LIPI: variants seen among roughly 807,000 people sequenced by gnomAD.
LIPI encodes the protein lipase member I.
In LIPI, 59 loss-of-function variants were observed where a neutral mutation model predicts 50.6. The ratio of observed to expected loss-of-function variants is 1.16; its 90% confidence interval spans 0.94 to 1.45. The LOEUF is 1.45. LIPI is among the 40% of genes most tolerant of loss of function. LIPI has a pLI of 0.00. For missense variants in LIPI, 586 were observed against 536.3 expected, an observed-to-expected ratio of 1.09 and a Z score of -0.92; for synonymous variants, 203 against 178.2, an observed-to-expected ratio of 1.14 and a Z score of -1.11.
intron 1 of LIPI, among the ~76,000 whole-genome samples, chr21:14,201,801 A>C (rs1179584745): frequency 6.6e-6 from 1 of 152,038 alleles, no homozygotes; most frequent in Non-Finnish European, 1.5e-5. Flanking sequence ...TCTCTCACCA[A>C]TCCTATTCAA....
chr21:14,189,653 A>G (rs750460663), intron 1 of LIPI, among the ~76,000 whole-genome samples: 1 of 152,210 alleles, frequency 6.6e-6, no homozygotes, highest in Non-Finnish European at 1.5e-5. Context: ...AATTAAGAAG[A>G]GATTTTTATC....
intron 1 of LIPI, 89 bp from the exon 2 acceptor site, chr21:14,189,508 G>A: frequency 8.4e-7 from 1 of 1,196,286 alleles, no homozygotes; most frequent in Non-Finnish European, 1.2e-6. Context: ...AATGTGGAGG[G>A]TAGGGAGGAT....
At chr21:14,185,918 T>C in intron 3 of LIPI, 43 bp downstream of exon 3, 1 of 1,153,404 alleles carries the variant, frequency 8.7e-7, no homozygotes, top group Non-Finnish European at 1.3e-6. Context: ...CTTCTGATAC[T>C]TAAAAGTATG....
intron 9 of LIPI, among the ~76,000 whole-genome samples, chr21:14,129,442 CAGTT>C (rs1214076519): frequency 3.3e-5 from 5 of 151,886 alleles, no homozygotes; most frequent in Non-Finnish European, 7.4e-5. Context: ...TGTCCCACAA[CAGTT>C]AGTGAAAATA....
intron 1 of LIPI, among the ~76,000 whole-genome samples, chr21:14,204,253 A>G (rs1323544945): frequency 6.6e-6 from 1 of 151,684 alleles, no homozygotes; most frequent in Non-Finnish European, 1.5e-5. Flanking sequence ...AGCCGGTTTA[A>G]ACTAGGTTCC....
intron 1 of LIPI, among the ~76,000 whole-genome samples, chr21:14,203,958 C>T (rs1303701215): frequency 1.3e-5 from 2 of 151,924 alleles, no homozygotes; most frequent in East Asian, 3.9e-4. Context: ...GAGCTAAAGG[C>T]CATTATCCTT....
At chr21:14,188,614 T>C (rs2019540228) in intron 2 of LIPI, among the ~76,000 whole-genome samples, 1 of 150,298 alleles carries the variant, frequency 6.7e-6, no homozygotes, top group African/African-American at 2.4e-5. Flanking sequence ...TTTTACCAAT[T>C]CACACTCGAT....
At chr21:14,148,161 A>G (rs2123076372) in intron 8 of LIPI, among the ~76,000 whole-genome samples, 1 of 152,306 alleles carries the variant, frequency 6.6e-6, no homozygotes, top group South Asian at 2.1e-4. Flanking sequence ...AATAAAAAAA[A>G]TCATATGTCT....
In LIPI at chr21:14,129,815, A is replaced by ATTTTT. The variant is rs1377173387; in HGVS notation, c.1295+14807_1295+14808insAAAAA. On this transcript the variant is annotated intron_variant, in intron 9 of 9. Coordinates refer to ENST00000681601, the MANE Select transcript of LIPI (RefSeq NM_001302998.2). ...CTCTAATTGTTTTTTTTTTTAAAAAAAAAAAAAGCTTATTTCTCACCTTCC... is the reference window on the plus strand; with the variant it reads ...CTCTAATTGTTTTTTTTTTTAAAAAATTTTTAAAAAAAGCTTATTTCTCACCTTCC... Among the ~76,000 whole-genome samples the ATTTTT allele has an allele frequency of 1.3e-4, 19 of 143,252 alleles. 2 individuals are homozygous for ATTTTT. The highest frequency in any genetic ancestry group is 1.3e-3 in the South Asian group (6 of 4,722). The allele number at this position is 143,252 out of a possible 152,430, so 94.0% of individuals were successfully genotyped here.
At chr21:14,174,522 T>A (rs1024674538) in intron 4 of LIPI, among the ~76,000 whole-genome samples, 23 of 151,968 alleles carry the variant, frequency 1.5e-4, no homozygotes, top group South Asian at 1.0e-3. Flanking sequence ...CATTTTTTTT[T>A]AAATAAAATC....
At chr21:14,113,392 T>C (rs929177603) in intron 9 of LIPI, among the ~76,000 whole-genome samples, 2 of 152,214 alleles carry the variant, frequency 1.3e-5, no homozygotes, top group African/African-American at 4.8e-5. Flanking sequence ...AGAACTACGA[T>C]GTTTGAGATG....
intron 3 of LIPI, among the ~76,000 whole-genome samples, chr21:14,184,165 T>C (rs1304739360): frequency 6.6e-6 from 1 of 152,212 alleles, no homozygotes; most frequent in African/African-American, 2.4e-5. Context: ...GATGAGTTCA[T>C]GTCCTTTGTA....
chr21:14,177,193 A>G (rs1295724544), intron 4 of LIPI, among the ~76,000 whole-genome samples: 1 of 152,054 alleles, frequency 6.6e-6, no homozygotes, highest in Non-Finnish European at 1.5e-5. Flanking sequence ...TCAAAGTTTT[A>G]TTATTTTAAA....
chr21:14,155,823 G>T (rs993601576), intron 7 of LIPI, among the ~76,000 whole-genome samples: 1 of 151,922 alleles, frequency 6.6e-6, no homozygotes, highest in Non-Finnish European at 1.5e-5. Context: ...ATAGTCAGAA[G>T]TAATTTCTTC....
intron 9 of LIPI, 46 bp downstream of exon 9, chr21:14,144,577 C>T (rs2822431): frequency 0.3 from 314,890 of 1,049,652 alleles, 49,649 homozygotes; most frequent in Middle Eastern, 0.39. Context: ...CCAATATTTT[C>T]AAGTTTAAAA....
chr21:14,148,508 T>A (rs1414588561), intron 8 of LIPI, among the ~76,000 whole-genome samples: 1 of 152,222 alleles, frequency 6.6e-6, no homozygotes, highest in African/African-American at 2.4e-5. Flanking sequence ...ATATTTTCAC[T>A]GTACCTTTTT....
At position 14,206,908 on chromosome 21, in the gene LIPI, A is replaced by C. The variant is rs763479882; in HGVS notation, c.46+3892T>G. ...TATTTTTGGCACAAGTTATTATGTA[A>C]ACATTTGAGCAACATAAATAAGACC... On this transcript the variant is annotated intron_variant, in intron 1 of 9. Transcript: ENST00000681601. The C allele has an allele frequency of 2.5e-6, 4 of 1,607,486 alleles. No individual in the cohort carries two copies. The South Asian group carries it at 4.4e-5, about 18-fold the overall frequency.
intron 1 of LIPI, among the ~76,000 whole-genome samples, chr21:14,210,248 ATAAACTTTATTACTG>A (rs2123368552): frequency 6.8e-6 from 1 of 147,098 alleles, no homozygotes; most frequent in South Asian, 2.2e-4. Flanking sequence ...CTTAATATTG[ATAAACTTTATTACTG>A]TACGCCAATA....
chr21:14,204,299 G>A (rs954918513), intron 1 of LIPI, among the ~76,000 whole-genome samples: 2 of 151,016 alleles, frequency 1.3e-5, no homozygotes, highest in African/African-American at 4.9e-5. Context: ...TTAAAAAAGA[G>A]GTAGAAGGGT....
Sources: allele counts gnomAD v4.1 joint callset (sites outside exome capture counted in the v4.1 genomes callset), GRCh38; gene constraint gnomAD v4.1.1; transcripts MANE v1.5; gene names NCBI Gene and HGNC (gene_info 2026-07-23, HGNC 2026-07-21).